RARB: variants seen among roughly 807,000 people sequenced by gnomAD.
RARB encodes the protein HBV-activated protein.
RARB carries 17 observed loss-of-function variants against 51.9 expected under a neutral mutation model. The observed-to-expected ratio is 0.33, with a 90% CI of 0.22 to 0.49. The LOEUF is 0.49. Among genes scored for constraint, RARB ranks in the 20% least tolerant of loss-of-function variants. The probability of loss-of-function intolerance (pLI) is 0.99; values close to 1 mark genes in which losing one functional copy is unlikely to be tolerated. For synonymous variants in RARB, 215 were observed against 195.4 expected, an observed-to-expected ratio of 1.10 and a Z score of -0.84; for missense variants, 369 against 550.8, an observed-to-expected ratio of 0.67 and a Z score of 3.30.
intron 5 of RARB, among the ~76,000 whole-genome samples, chr3:25,331,156 A>G (rs1461768356): frequency 1.3e-5 from 2 of 152,226 alleles, no homozygotes; most frequent in African/African-American, 4.8e-5. Flanking sequence ...AATTGAATTC[A>G]GCTCTGCACC....
chr3:25,327,955 A>G (rs1704774849), intron 5 of RARB, among the ~76,000 whole-genome samples: 2 of 152,236 alleles, frequency 1.3e-5, no homozygotes. Context: ...GAGAAATAAA[A>G]CAAAGTACAC....
chr3:24,899,730 T>C (rs1023718447), intron 2 of RARB, among the ~76,000 whole-genome samples: 36 of 152,296 alleles, frequency 2.4e-4, no homozygotes, highest in African/African-American at 7.9e-4. Context: ...TCCCAGATCA[T>C]GTGGAAATCT....
chr3:24,851,777 G>A (rs1234393677), intron 1 of RARB, among the ~76,000 whole-genome samples: 1 of 152,144 alleles, frequency 6.6e-6, no homozygotes, highest in Admixed American at 6.5e-5. Flanking sequence ...GTTAAATCCT[G>A]AGTCAAAACT....
chr3:25,037,244 A>C (rs1241110048), intron 2 of RARB, among the ~76,000 whole-genome samples: 1 of 150,622 alleles, frequency 6.6e-6, no homozygotes, highest in Non-Finnish European at 1.5e-5. Flanking sequence ...GCACGTTTTA[A>C]AGGAATTTCA....
chr3:25,253,353 A>G (rs568871466), intron 5 of RARB, among the ~76,000 whole-genome samples: 1 of 152,212 alleles, frequency 6.6e-6, no homozygotes. Flanking sequence ...AAATTTTACT[A>G]TTCTGGGAAA....
At chr3:25,374,216 C>A (rs564794091) in intron 5 of RARB, among the ~76,000 whole-genome samples, 2 of 152,066 alleles carry the variant, frequency 1.3e-5, no homozygotes, top group African/African-American at 4.8e-5. Flanking sequence ...CAAATACATT[C>A]ACACACTATG....
chr3:25,420,893 TA>T (rs1490633919), intron 5 of RARB, among the ~76,000 whole-genome samples: 1 of 149,226 alleles, frequency 6.7e-6, no homozygotes, highest in Non-Finnish European at 1.5e-5. Flanking sequence ...TAACACAAGA[TA>T]GATTAATAAT....
At chr3:25,044,293 A>G (rs1051148769) in intron 2 of RARB, among the ~76,000 whole-genome samples, 1 of 152,138 alleles carries the variant, frequency 6.6e-6, no homozygotes, top group Non-Finnish European at 1.5e-5. Context: ...GCTGGGCAAA[A>G]CATGAGAAAT....
chr3:25,144,796 C>T (rs9870811), intron 4 of RARB, among the ~76,000 whole-genome samples: 3,431 of 152,188 alleles, frequency 0.023, 64 homozygotes, highest in African/African-American at 0.053. Flanking sequence ...GTGATCAGCC[C>T]GTATACCTCG....
At chr3:25,473,774 T>A (rs979686710) in intron 2 of RARB, among the ~76,000 whole-genome samples, 1 of 152,030 alleles carries the variant, frequency 6.6e-6, no homozygotes, top group African/African-American at 2.4e-5. Context: ...CACATGGGCT[T>A]CTCCTCCCTC....
chr3:24,854,556 C>A (rs767264708), intron 1 of RARB, among the ~76,000 whole-genome samples: 1 of 152,158 alleles, frequency 6.6e-6, no homozygotes, highest in Admixed American at 6.5e-5. Flanking sequence ...TCAGGCTCCA[C>A]ACTGAACCCA....
rs1700598496 is a variant in RARB, at chr3:25,168,792, A to C, written c.-279-5327A>C. Among the ~76,000 whole-genome samples, 4 of 152,228 alleles carry C rather than the reference A, an allele frequency of 2.6e-5. No individual in the cohort carries two copies. In the South Asian group the frequency reaches 8.3e-4, roughly 32 times the overall value. On this transcript the variant is annotated intron_variant, in intron 4 of 11. Coordinates refer to the RARB transcript ENST00000383772. ...ATCTAAATAAGATTTCCAAATGGAG[A>C]CAACAAAACAGAAGTTAAGGAAGAT...
chr3:25,427,059 T>A (rs1708013842), upstream of RARB, among the ~76,000 whole-genome samples: 1 of 152,066 alleles, frequency 6.6e-6, no homozygotes, highest in Non-Finnish European at 1.5e-5. Flanking sequence ...AAAATATGCG[T>A]TTAATTATGT....
intron 2 of RARB, among the ~76,000 whole-genome samples, chr3:25,044,307 C>G (rs746440153): frequency 6.6e-6 from 1 of 152,100 alleles, no homozygotes; most frequent in Admixed American, 6.5e-5. Flanking sequence ...GAGAAATTGG[C>G]CTTGTGTCAA....
In RARB at chr3:25,068,564, A is replaced by G. The variant is rs6769546; in HGVS notation, c.-328+8388A>G. Among the ~76,000 whole-genome samples the G allele has an allele frequency of 4.2e-3, 643 of 152,306 alleles. 2 individuals carry two copies. The highest frequency in any genetic ancestry group is 0.014 in the African/African-American group (586 of 41,552). On this transcript the variant is annotated intron_variant, in intron 3 of 11. Coordinates refer to the RARB transcript ENST00000383772. ...TTCTGGTTAATGACATCAAGAAAAAATTAACGGAAGTTATGAAATGGGTTG... is the reference window on the plus strand; with the variant it reads ...TTCTGGTTAATGACATCAAGAAAAAGTTAACGGAAGTTATGAAATGGGTTG...
At chr3:25,378,973 G>A (rs950196811) in intron 5 of RARB, among the ~76,000 whole-genome samples, 3 of 152,206 alleles carry the variant, frequency 2.0e-5, no homozygotes, top group African/African-American at 7.2e-5. Flanking sequence ...CTGTGTGATG[G>A]CATCTTCCCT....
chr3:25,332,790 C>T (rs1215724416), intron 5 of RARB, among the ~76,000 whole-genome samples: 1 of 152,104 alleles, frequency 6.6e-6, no homozygotes, highest in African/African-American at 2.4e-5. Flanking sequence ...TCATCTCAGC[C>T]CAAAATCTCC....
At chr3:24,969,153 T>G (rs991648107) in intron 2 of RARB, among the ~76,000 whole-genome samples, 3 of 152,168 alleles carry the variant, frequency 2.0e-5, no homozygotes, top group Non-Finnish European at 2.9e-5. Context: ...ATATAAATAT[T>G]ACATAAATGT....
intron 4 of RARB, among the ~76,000 whole-genome samples, chr3:25,164,965 C>A (rs988097967): frequency 1.3e-5 from 2 of 152,118 alleles, no homozygotes; most frequent in African/African-American, 4.8e-5. Flanking sequence ...GGTCGACCTT[C>A]AGCCATGGTC....
Sources: gnomAD v4.1 joint callset for allele counts (sites outside exome capture counted in the v4.1 genomes callset) on GRCh38, gnomAD v4.1.1 for gene constraint, MANE v1.5 for transcripts, NCBI Gene and HGNC (gene_info 2026-07-23, HGNC 2026-07-21) for gene names.